Variants in RBM41 observed in about 807,000 individuals in gnomAD.
The protein encoded by RBM41 is RNA-binding protein 41.
Under a neutral mutation model 30.8 loss-of-function variants are expected in RBM41, and 14 were observed. The ratio of observed to expected loss-of-function variants is 0.45; its 90% CI spans 0.30 to 0.71. The LOEUF is 0.71. Ranked by LOEUF, RBM41 falls within the 30% of genes least tolerant of loss-of-function variation. The pLI, the probability that RBM41 is intolerant of heterozygous loss-of-function variation, is 0.08. For synonymous variants in RBM41, 120 were observed against 110.1 expected (o/e 1.09, Z -0.56); for missense variants, 276 against 326.3 (o/e 0.85, Z 1.19).
intron 6 of RBM41, among the ~76,000 whole-genome samples, chrX:107,072,938 T>C (rs951719538): frequency 9.1e-6 from 1 of 110,484 alleles, no homozygotes; most frequent in Non-Finnish European, 1.9e-5. Context: ...TGGATACCTA[T>C]ATGCATGAAG....
At chrX:107,117,502 A>C (rs1924971862) in intron 1 of RBM41, among the ~76,000 whole-genome samples, 3 of 111,859 alleles carry the variant, frequency 2.7e-5, no homozygotes, top group African/African-American at 9.8e-5. Flanking sequence ...AGGAAGTCAA[A>C]GATAATCCCA....
chrX:107,066,725 G>A lies in RBM41; in HGVS notation c.*802C>T, dbSNP rs1935854195. On this transcript the variant is annotated 3_prime_UTR_variant, in exon 8 of 8. Coordinates refer to ENST00000685964, the MANE Select transcript of RBM41 (RefSeq NM_001324242.2). ...CCATAAACAAACAACTGGGGGATTT[G>A]TGACTGGCATCCTCTTTTCTAGAGA... 1.3e-6 allele frequency: 1 copy of A among 752,854 alleles called. No homozygotes were observed. Among genetic ancestry groups the A allele is most frequent in the Non-Finnish European group, 1.6e-6 (1 of 638,214 alleles). 62.0% of individuals were successfully genotyped at this position (752,854 alleles called of 1,213,427 possible).
intron 5 of RBM41, among the ~76,000 whole-genome samples, chrX:107,092,022 A>G (rs1172139988): frequency 8.9e-6 from 1 of 112,090 alleles, no homozygotes; most frequent in Non-Finnish European, 1.9e-5. Context: ...ATATGTTTAA[A>G]ATAGATTCCC....
chrX:107,106,765 A>C (rs1924036178), intron 5 of RBM41, among the ~76,000 whole-genome samples: 1 of 108,869 alleles, frequency 9.2e-6, no homozygotes, highest in Non-Finnish European at 1.9e-5. Flanking sequence ...AAACTATTGC[A>C]AGGACAAAAA....
chrX:107,086,139 T>C (rs2147946902), intron 6 of RBM41, among the ~76,000 whole-genome samples: 1 of 111,765 alleles, frequency 8.9e-6, no homozygotes, highest in African/African-American at 3.2e-5. Flanking sequence ...AACAATGAGA[T>C]AACTTTTCAA....
intron 6 of RBM41, among the ~76,000 whole-genome samples, chrX:107,081,909 T>C (rs994888775): frequency 2.7e-5 from 3 of 112,019 alleles, no homozygotes; most frequent in African/African-American, 9.7e-5. Context: ...TGTTAGTTTG[T>C]TTTTTGGCTG....
intron 6 of RBM41, among the ~76,000 whole-genome samples, chrX:107,086,626 G>A (rs1922061948): frequency 9.0e-6 from 1 of 111,638 alleles, no homozygotes. Flanking sequence ...ACATACTGTA[G>A]GGAACACTTT....
Position 107,115,453 on chromosome X carries a change from A to G in RBM41, c.422T>C (p.Phe141Ser), listed in dbSNP as rs1266591922. ...CCGGGTCAGCTGTTTGCTCTTTGCA[A>G]ATCTCTGTGGCAGGCAAAGAATGCG... is the stretch of plus-strand genomic sequence containing the variant. ...RQRILCLPQR[F>S]AKSKQLTRRE... Residue 141 changes from phenylalanine (F) to serine (S), a missense_variant, in exon 4 of 8, where the codon TTT becomes TCT. Coordinates refer to ENST00000685964, the MANE Select transcript of RBM41 (RefSeq NM_001324242.2). The G allele has an allele frequency of 8.3e-7, 1 of 1,211,680 alleles. No individual in the cohort carries two copies. The highest frequency in any genetic ancestry group is 1.1e-6 in the Non-Finnish European group (1 of 895,351).
intron 4 of RBM41, 116 bp from the exon 5 acceptor site, chrX:107,113,584 C>A: frequency 1.2e-6 from 1 of 858,447 alleles, no homozygotes; most frequent in Non-Finnish European, 1.5e-6. Flanking sequence ...TGTATTCTCT[C>A]ACTTAATCCT....
At chrX:107,087,487 C>T (rs1224145128) in intron 6 of RBM41, among the ~76,000 whole-genome samples, 1 of 111,632 alleles carries the variant, frequency 9.0e-6, no homozygotes, top group Non-Finnish European at 1.9e-5. Context: ...TTTGTGTTGT[C>T]TCTTTGAGTA....
chrX:107,092,479 A>AT (rs779838447), intron 5 of RBM41, among the ~76,000 whole-genome samples: 1 of 111,688 alleles, frequency 9.0e-6, no homozygotes, highest in Non-Finnish European at 1.9e-5. Context: ...GTGGTGGCTC[A>AT]TGCCTGTAAT....
intron 2 of RBM41, 145 bp downstream of exon 2, chrX:107,116,505 C>T (rs1924888637): frequency 1.5e-5 from 14 of 952,959 alleles, no homozygotes; most frequent in Non-Finnish European, 1.8e-5. Flanking sequence ...GAGGAAGAGA[C>T]ACAGAATTAA....
rs772866307 is a variant in RBM41 at position 107,116,810 on chromosome X, T to A, written c.9-44A>T. ...TATATACAGAAAACGGAAGAGACTGTGAGTCTCAAAATATATTCCTTATCT... is the reference window on the plus strand; with the variant it reads ...TATATACAGAAAACGGAAGAGACTGAGAGTCTCAAAATATATTCCTTATCT... On this transcript the variant is annotated intron_variant, in intron 1 of 7. Coordinates refer to ENST00000685964, the MANE Select transcript of RBM41 (RefSeq NM_001324242.2). 3 of 1,126,421 alleles carry A rather than the reference T, an allele frequency of 2.7e-6. No homozygotes were observed. In the South Asian group the frequency reaches 5.9e-5, roughly 22 times the overall value. The allele number at this position is 1,126,421 out of a possible 1,213,427, so 92.8% of individuals were successfully genotyped here. A position where few individuals can be genotyped will look rare whatever the true frequency, so the allele number is the denominator to read the frequency against.
chrX:107,086,414 G>C (rs1314816640), intron 6 of RBM41, among the ~76,000 whole-genome samples: 1 of 110,112 alleles, frequency 9.1e-6, no homozygotes, highest in African/African-American at 3.3e-5. Flanking sequence ...GTGGAGTCTA[G>C]CAATCTGTGT....
At chrX:107,090,802 T>A (rs1336450605) in intron 5 of RBM41, among the ~76,000 whole-genome samples, 2 of 111,378 alleles carry the variant, frequency 1.8e-5, no homozygotes, top group South Asian at 3.8e-4. Context: ...TATTTTTTTT[T>A]AAATTTTACT....
chrX:107,056,467 A>G, the RBM41 span, among the ~76,000 whole-genome samples: 40 of 111,649 alleles, frequency 3.6e-4, no homozygotes, highest in African/African-American at 1.3e-3. Context: ...GATTGGTGTT[A>G]ATTCTTCTTT....
intron 5 of RBM41, among the ~76,000 whole-genome samples, chrX:107,091,234 T>A (rs763523620): frequency 8.9e-6 from 1 of 112,202 alleles, no homozygotes; most frequent in East Asian, 2.8e-4. Context: ...TTAGCAAAAT[T>A]ATTCATTAGC....
intron 6 of RBM41, among the ~76,000 whole-genome samples, chrX:107,082,290 C>T (rs188311007): frequency 9.0e-6 from 1 of 111,621 alleles, no homozygotes; most frequent in African/African-American, 3.2e-5. Context: ...CTTCTTTAGT[C>T]TATTGATGTG....
At chrX:107,061,663 T>C (rs926519451), downstream of RBM41, among the ~76,000 whole-genome samples, 1 of 111,189 alleles carries the variant, frequency 9.0e-6, no homozygotes, top group Admixed American at 9.6e-5. Flanking sequence ...AGTCTGCTCT[T>C]GAACTCCTAG....
Sources: gnomAD v4.1 joint callset for allele counts (sites outside exome capture counted in the v4.1 genomes callset) on GRCh38, gnomAD v4.1.1 for gene constraint, MANE v1.5 for transcripts, NCBI Gene and HGNC (gene_info 2026-07-23, HGNC 2026-07-21) for gene names.